MTHFD1L: variants seen among roughly 807,000 people sequenced by gnomAD.
MTHFD1L encodes the protein monofunctional C1-tetrahydrofolate synthase, mitochondrial.
A neutral mutation model predicts 119.5 loss-of-function variants in MTHFD1L; 81 were observed. The ratio of observed to expected loss-of-function variants is 0.68; its 90% CI spans 0.57 to 0.82. The LOEUF is 0.82. Among genes scored for constraint, MTHFD1L ranks in the 40% least tolerant of loss-of-function variants. The pLI is 0.00. For missense variants in MTHFD1L, 1,125 were observed against 1,253.4 expected, an observed-to-expected ratio of 0.90 and a Z score of 1.55; for synonymous variants, 430 against 475.2, an observed-to-expected ratio of 0.90 and a Z score of 1.24.
At chr6:150,878,082 G>A (rs574680586) in intron 4 of MTHFD1L, among the ~76,000 whole-genome samples, 2 of 152,310 alleles carry the variant, frequency 1.3e-5, no homozygotes, top group Admixed American at 1.3e-4. Context: ...CGGTGGCAGC[G>A]TCATCTAGTG....
intron 1 of MTHFD1L, among the ~76,000 whole-genome samples, chr6:150,867,879 C>G (rs1197697269): frequency 6.7e-6 from 1 of 148,192 alleles, no homozygotes; most frequent in Non-Finnish European, 1.5e-5. Context: ...CTCCCTGCAA[C>G]CTCTGCCTCC....
intron 27 of MTHFD1L, chr6:151,099,474 T>A: frequency 1.8e-6 from 2 of 1,106,524 alleles, no homozygotes; most frequent in Non-Finnish European, 2.7e-6. Flanking sequence ...TTTGCCCTTC[T>A]CTCTTCCTCG....
intron 26 of MTHFD1L, among the ~76,000 whole-genome samples, chr6:151,045,186 T>C (rs1562588787): frequency 6.6e-6 from 1 of 152,144 alleles, no homozygotes; most frequent in South Asian, 2.1e-4. Context: ...TTAAATCAAA[T>C]GCATGACCCT....
intron 20 of MTHFD1L, among the ~76,000 whole-genome samples, chr6:151,001,857 C>G (rs1780670190): frequency 6.6e-6 from 1 of 152,112 alleles, no homozygotes. Flanking sequence ...GGACCAAGAA[C>G]TAGCAGAGGA....
At chr6:150,959,318 A>G in intron 17 of MTHFD1L, 1 of 492,756 alleles carries the variant, frequency 2.0e-6, no homozygotes, top group Non-Finnish European at 2.6e-6. Context: ...CTCTCTGCGT[A>G]AGCTTGAACT....
At chr6:150,872,817 A>G (rs1023303916) in intron 1 of MTHFD1L, among the ~76,000 whole-genome samples, 1 of 141,318 alleles carries the variant, frequency 7.1e-6, no homozygotes, top group East Asian at 2.1e-4. Context: ...ATCCACATCC[A>G]CCCCCCAACT....
intron 24 of MTHFD1L, among the ~76,000 whole-genome samples, chr6:151,024,469 G>A (rs1343926246): frequency 6.6e-6 from 1 of 152,042 alleles, no homozygotes; most frequent in Non-Finnish European, 1.5e-5. Flanking sequence ...CTTGAGCTTG[G>A]GAGGCAGAGG....
rs557346967 is a variant in MTHFD1L, at chr6:150,896,865, T to G, written c.781-8785T>G. ...GGCTCACACCTGTAACCCCAGCACT[T>G]TGGGAGGCCGAGGCAGGTGGATCAT... is the stretch of plus-strand genomic sequence containing the variant. On this transcript the variant is annotated intron_variant, in intron 7 of 27. Transcript: ENST00000367321. Among the ~76,000 whole-genome samples, 4 of 152,012 alleles carry G rather than the reference T, an allele frequency of 2.6e-5. No individual in the cohort carries two copies. In the South Asian group the frequency reaches 6.2e-4, roughly 24 times the overall value.
chr6:150,866,935 G>A (rs1010836209), intron 1 of MTHFD1L, among the ~76,000 whole-genome samples: 14 of 152,184 alleles, frequency 9.2e-5, no homozygotes, highest in Admixed American at 3.9e-4. Context: ...CTCGGAACTG[G>A]GATTAGGAAC....
At chr6:150,893,302 T>C (rs916373434) in intron 7 of MTHFD1L, among the ~76,000 whole-genome samples, 8 of 152,110 alleles carry the variant, frequency 5.3e-5, no homozygotes, top group Admixed American at 2.6e-4. Context: ...TGACCTCAAG[T>C]GATCCACCCA....
At chr6:150,951,900 C>A (rs1202845555) in intron 16 of MTHFD1L, among the ~76,000 whole-genome samples, 2 of 151,890 alleles carry the variant, frequency 1.3e-5, no homozygotes, top group African/African-American at 4.8e-5. Context: ...TATTTTAAAC[C>A]AAGCATATGG....
chr6:150,914,628 A>T (rs1787530797), intron 8 of MTHFD1L, among the ~76,000 whole-genome samples: 2 of 152,240 alleles, frequency 1.3e-5, no homozygotes, highest in Non-Finnish European at 2.9e-5. Flanking sequence ...ACTGCACTCC[A>T]GCCTGGGCAA....
At chr6:150,886,403 T>C (rs1782284446) in intron 6 of MTHFD1L, among the ~76,000 whole-genome samples, 1 of 138,026 alleles carries the variant, frequency 7.2e-6, no homozygotes, top group Non-Finnish European at 1.5e-5. Flanking sequence ...ACCACTGCAC[T>C]CTAGCCTGGG....
chr6:151,010,349 A>G (rs1443827745), intron 21 of MTHFD1L, among the ~76,000 whole-genome samples: 1 of 152,234 alleles, frequency 6.6e-6, no homozygotes, highest in Non-Finnish European at 1.5e-5. Context: ...TGAACGAAGA[A>G]CAAGAGGATT....
At chr6:151,082,815 C>A (rs4869985) in intron 26 of MTHFD1L, among the ~76,000 whole-genome samples, 90,079 of 151,858 alleles carry the variant, frequency 0.59, 27,865 homozygotes, top group East Asian at 0.78. Flanking sequence ...CAATCACAAT[C>A]AAAAAAAACA....
intron 20 of MTHFD1L, among the ~76,000 whole-genome samples, chr6:151,006,308 G>T (rs1467337917): frequency 6.6e-6 from 1 of 152,180 alleles, no homozygotes; most frequent in Non-Finnish European, 1.5e-5. Context: ...AGGCAGAGAG[G>T]GGAGAGAGGA....
rs1431665069 is a variant in MTHFD1L, at chr6:150,911,935, C to T, written c.892+6174C>T. 2.0e-5 allele frequency among the ~76,000 whole-genome samples: 3 copies of T among 152,170 alleles called. No homozygotes were observed. In the East Asian group the frequency reaches 5.8e-4, roughly 29 times the overall value. ...TCAAATTATCTCCCACTGGGTCCCT[C>T]CTACAACACGTGGGAATTATGGGAG... On this transcript the variant is annotated intron_variant, in intron 8 of 27. Transcript: ENST00000367321.
chr6:151,095,370 T>C (rs1432111088), intron 27 of MTHFD1L, among the ~76,000 whole-genome samples: 1 of 152,234 alleles, frequency 6.6e-6, no homozygotes, highest in African/African-American at 2.4e-5. Context: ...ACCCATTATG[T>C]TACATTTCTG....
intron 26 of MTHFD1L, among the ~76,000 whole-genome samples, chr6:151,066,856 C>T (rs1335657890): frequency 6.6e-6 from 1 of 152,112 alleles, no homozygotes; most frequent in African/African-American, 2.4e-5. Context: ...CAACCTGGGT[C>T]CTGTCAAGGA....
Sources: gnomAD v4.1 joint callset for allele counts (sites outside exome capture counted in the v4.1 genomes callset) on GRCh38, gnomAD v4.1.1 for gene constraint, MANE v1.5 for transcripts, NCBI Gene and HGNC (gene_info 2026-07-23, HGNC 2026-07-21) for gene names.